Variants in KLHL7 observed in about 807,000 individuals in gnomAD.
KLHL7 encodes the protein kelch-like protein 7.
Under a neutral mutation model 67.4 loss-of-function variants are expected in KLHL7, and 44 were observed. That is an observed-to-expected ratio of 0.65 (90% CI 0.51 to 0.84). KLHL7 has a LOEUF of 0.84. Among genes scored for constraint, KLHL7 ranks in the 40% least tolerant of loss-of-function variants. The pLI is 0.00. For synonymous variants in KLHL7, 252 were observed against 243.3 expected, an observed-to-expected ratio of 1.04 and a Z score of -0.33; for missense variants, 362 against 718.1, an observed-to-expected ratio of 0.50 and a Z score of 5.67.
At chr7:23,173,700 G>A (rs1401942601) in intron 10 of KLHL7, among the ~76,000 whole-genome samples, 1 of 152,116 alleles carries the variant, frequency 6.6e-6, no homozygotes, top group Non-Finnish European at 1.5e-5. Context: ...GGACATTTGA[G>A]TAATTATAAT....
At chr7:23,109,037 T>A (rs906813016) in intron 1 of KLHL7, among the ~76,000 whole-genome samples, 1 of 152,252 alleles carries the variant, frequency 6.6e-6, no homozygotes, top group Admixed American at 6.5e-5. Flanking sequence ...TATGTATTAA[T>A]ATTTGTGTTG....
In KLHL7 at chr7:23,174,156, G is replaced by A; in HGVS notation, c.1619G>A (p.Gly540Asp). 4 of 1,614,180 alleles carry A rather than the reference G, an allele frequency of 2.5e-6. No individual in the cohort carries two copies. Among genetic ancestry groups the A allele is most frequent in the Non-Finnish European group, 3.4e-6 (4 of 1,180,002 alleles). Residue 540 changes from glycine (G) to aspartate (D), a missense_variant, in exon 11 of 11, where the codon GGT becomes GAT. Gly to Asp is a moderately conservative substitution (Grantham distance 94). Around this residue, in one of 5 missense-constraint regions of KLHL7, gnomAD observed 136 missense variants for 252.7 expected, o/e 0.54. Transcript: ENST00000339077. ...VYVLAGFQGV[G>D]RLGHILEYNT... ...GTCTTGGCTGGTTTTCAGGGTGTTG[G>A]TCGATTAGGACACATTCTCGAATAT...
At chr7:23,154,151 T>A (rs1852635) in intron 7 of KLHL7, among the ~76,000 whole-genome samples, 1 of 152,098 alleles carries the variant, frequency 6.6e-6, no homozygotes, top group African/African-American at 2.4e-5. Flanking sequence ...GTCAGGAGTT[T>A]GAGACCAGCC....
At chr7:23,153,841 A>G (rs1440942876) in intron 7 of KLHL7, among the ~76,000 whole-genome samples, 1 of 152,192 alleles carries the variant, frequency 6.6e-6, no homozygotes, top group African/African-American at 2.4e-5. Context: ...TGTAATAACC[A>G]TATGCCATCT....
In KLHL7 at chr7:23,168,759, A is replaced by G. The variant is rs139893662; in HGVS notation, c.1379+722A>G. Reference sequence around the variant, plus strand: ...GTACCTTTTATGGAAACATCCAAAGAGCTTTGATAAGAAAAGTCACTTGAT... The same window carrying G: ...GTACCTTTTATGGAAACATCCAAAGGGCTTTGATAAGAAAAGTCACTTGAT... On this transcript the variant is annotated intron_variant, in intron 9 of 10. Transcript: ENST00000339077. Among the ~76,000 whole-genome samples, 864 of 152,304 alleles carry G rather than the reference A, an allele frequency of 5.7e-3. 10 individuals carry two copies. The highest frequency in any genetic ancestry group is 0.019 in the African/African-American group (807 of 41,554).
At chr7:23,118,236 C>A (rs1297666779) in intron 1 of KLHL7, among the ~76,000 whole-genome samples, 1 of 152,190 alleles carries the variant, frequency 6.6e-6, no homozygotes, top group Admixed American at 6.6e-5. Flanking sequence ...TGTAAAAGCC[C>A]CCAAATCTTT....
intron 7 of KLHL7, among the ~76,000 whole-genome samples, chr7:23,152,673 G>T (rs1784575352): frequency 6.6e-6 from 1 of 152,084 alleles, no homozygotes; most frequent in Non-Finnish European, 1.5e-5. Flanking sequence ...GAACCACCTA[G>T]AAATGATCAC....
chr7:23,156,405 A>G (rs1241292176), intron 7 of KLHL7, among the ~76,000 whole-genome samples: 2 of 152,190 alleles, frequency 1.3e-5, no homozygotes, highest in African/African-American at 2.4e-5. Context: ...AGTGGTTTCT[A>G]AAAGAGTTAT....
intron 1 of KLHL7, among the ~76,000 whole-genome samples, chr7:23,110,564 A>G (rs999511675): frequency 2.0e-5 from 3 of 151,620 alleles, no homozygotes; most frequent in African/African-American, 4.8e-5. Context: ...CTCTCCCCCC[A>G]TTAAGATGAA....
intron 8 of KLHL7, among the ~76,000 whole-genome samples, 165 bp downstream of exon 8, chr7:23,166,103 C>T (rs1032555153): frequency 1.3e-5 from 2 of 152,082 alleles, no homozygotes; most frequent in African/African-American, 2.4e-5. Context: ...AGGTTTATGT[C>T]GTTGCTTTAC....
intron 4 of KLHL7, among the ~76,000 whole-genome samples, chr7:23,127,607 T>C (rs1287874806): frequency 6.6e-6 from 1 of 151,990 alleles, no homozygotes; most frequent in East Asian, 1.9e-4. Flanking sequence ...CCACAAATGC[T>C]AAAGGAACCG....
rs913653736 is a variant in KLHL7 at position 23,111,515 on chromosome 7, T to C, written c.120+5369T>C. Among the ~76,000 whole-genome samples the C allele has an allele frequency of 4.6e-5, 7 of 152,148 alleles. No individual in the cohort carries two copies. The South Asian group carries it at 1.5e-3, about 32-fold the overall frequency. On this transcript the variant is annotated intron_variant, in intron 1 of 10. Transcript: ENST00000339077. ...ATGCATGTTTGTAGAGATGGTATGT[T>C]TTCTTCTTTAAAAAAGATGACTTGG...
At chr7:23,170,152 T>C (rs1785115570) in intron 9 of KLHL7, among the ~76,000 whole-genome samples, 1 of 152,176 alleles carries the variant, frequency 6.6e-6, no homozygotes, top group South Asian at 2.1e-4. Context: ...AGGTGGAGGT[T>C]GTAGTGAGCT....
At chr7:23,142,026 C>G (rs1427019653) in intron 5 of KLHL7, among the ~76,000 whole-genome samples, 2 of 152,148 alleles carry the variant, frequency 1.3e-5, no homozygotes, top group Non-Finnish European at 2.9e-5. Flanking sequence ...TCAAGCGATT[C>G]TCATGCCTCA....
At chr7:23,143,014 C>T (rs1784240902) in intron 5 of KLHL7, among the ~76,000 whole-genome samples, 1 of 152,172 alleles carries the variant, frequency 6.6e-6, no homozygotes, top group South Asian at 2.1e-4. Context: ...TTTGTGCTAT[C>T]TCTGCAACTT....
intron 7 of KLHL7, among the ~76,000 whole-genome samples, chr7:23,163,888 A>G (rs1428099110): frequency 1.3e-5 from 2 of 152,180 alleles, no homozygotes; most frequent in African/African-American, 4.8e-5. Context: ...AAGTGAATTA[A>G]ATCATATTTT....
chr7:23,120,524 CTT>C (rs1783291496), intron 1 of KLHL7, among the ~76,000 whole-genome samples: 1 of 152,124 alleles, frequency 6.6e-6, no homozygotes, highest in Admixed American at 6.5e-5. Flanking sequence ...GCTTATTTCT[CTT>C]TGTTGGGAAC....
At chr7:23,172,702 A>T (rs1785199611) in intron 9 of KLHL7, 1 of 354,456 alleles carries the variant, frequency 2.8e-6, no homozygotes, top group Admixed American at 4.2e-5. Context: ...TTTTTAATAG[A>T]TATCCTCATT....
At position 23,176,522 on chromosome 7, in the gene KLHL7, A is replaced by C. The variant is rs1785297381; in HGVS notation, c.*2224A>C. The C allele has an allele frequency of 1.3e-5, 2 of 152,128 alleles. No homozygotes were observed. The allele number at this position is 152,128 out of a possible 1,614,324, so 9.4% of individuals were successfully genotyped here. ...AAGACCCTGTCTCTACAAAAAAATAAAAAGTTAGCAGGTGTGGTATATACC... is the reference window on the plus strand; with the variant it reads ...AAGACCCTGTCTCTACAAAAAAATACAAAGTTAGCAGGTGTGGTATATACC... On this transcript the variant is annotated 3_prime_UTR_variant, in exon 11 of 11. Transcript: ENST00000339077.
Sources: allele counts gnomAD v4.1 joint callset (sites outside exome capture counted in the v4.1 genomes callset), GRCh38; gene constraint gnomAD v4.1.1; regional missense constraint gnomAD v4.1.1; transcripts MANE v1.5; gene names NCBI Gene and HGNC (gene_info 2026-07-23, HGNC 2026-07-21).